The following SLC8A1 variants were observed in gnomAD, a reference collection of about 807,000 sequenced individuals.
SLC8A1 encodes the protein sodium/calcium exchanger 1.
A neutral mutation model predicts 68.3 loss-of-function variants in SLC8A1; 18 were observed. The ratio of observed to expected loss-of-function variants is 0.26; its 90% confidence interval spans 0.18 to 0.39. The LOEUF is 0.39. SLC8A1 is among the 10% of genes least tolerant of loss of function. SLC8A1 has a pLI of 1.00. For missense variants in SLC8A1, 985 were observed against 1,156.7 expected (o/e 0.85, Z 2.15); for synonymous variants, 475 against 415.5 (o/e 1.14, Z -1.74).
At chr2:40,351,055 A>C (rs1274950370) in intron 2 of SLC8A1, among the ~76,000 whole-genome samples, 2 of 152,168 alleles carry the variant, frequency 1.3e-5, no homozygotes, top group Non-Finnish European at 2.9e-5. Flanking sequence ...TCTAAGTAAT[A>C]TCTAATAAAC....
chr2:40,183,265 C>T (rs921840266), intron 2 of SLC8A1, among the ~76,000 whole-genome samples: 2 of 152,180 alleles, frequency 1.3e-5, no homozygotes, highest in Admixed American at 6.5e-5. Context: ...CTTATTCATT[C>T]AACTGTGCAG....
At chr2:40,327,283 A>C (rs1188711511) in intron 2 of SLC8A1, among the ~76,000 whole-genome samples, 1 of 152,230 alleles carries the variant, frequency 6.6e-6, no homozygotes, top group Admixed American at 6.5e-5. Context: ...TCACATGAAC[A>C]TTCCACTGTT....
chr2:40,460,820 A>T (rs1372232756), intron 1 of SLC8A1, among the ~76,000 whole-genome samples: 3 of 151,950 alleles, frequency 2.0e-5, no homozygotes, highest in African/African-American at 4.8e-5. Context: ...TGATCTGCCC[A>T]CCTCAGCCTC....
In SLC8A1 at chr2:40,222,938, A is replaced by G. The variant is rs1211127306; in HGVS notation, c.1809-45083T>C. Among the ~76,000 whole-genome samples the G allele has an allele frequency of 3.9e-5, 6 of 152,312 alleles. No individual in the cohort carries two copies. In the East Asian group the frequency reaches 9.7e-4, roughly 25 times the overall value. ...TTTGTTGGGAGTATAAATTAGTTCA[A>G]CCATTGTGGAAAAAAGTGTGGCGAT... On this transcript the variant is annotated intron_variant, in intron 2 of 7. Coordinates refer to ENST00000406785, the Ensembl canonical transcript of SLC8A1.
rs532002092 is a variant in SLC8A1, at chr2:40,287,660, T to A, written c.1809-109805A>T. ...GGGGCATCTTAGCTCAAGCTTACCA[T>A]ACTGGGAGGACAGGGCCATGAAGGC... On this transcript the variant is annotated intron_variant, in intron 2 of 7. Coordinates refer to ENST00000406785, the Ensembl canonical transcript of SLC8A1. Among the ~76,000 whole-genome samples the A allele has an allele frequency of 3.5e-3, 494 of 139,260 alleles. 3 individuals are homozygous for A. Among genetic ancestry groups the A allele is most frequent in the African/African-American group, 0.013 (477 of 37,626 alleles). The allele number at this position is 139,260 out of a possible 152,430, so 91.4% of individuals were successfully genotyped here.
At chr2:40,162,719 G>A (rs763362649) in intron 5 of SLC8A1, among the ~76,000 whole-genome samples, 2 of 152,150 alleles carry the variant, frequency 1.3e-5, no homozygotes, top group Non-Finnish European at 1.5e-5. Flanking sequence ...ACTGTTGTCT[G>A]TATTTACCTA....
chr2:40,402,254 G>A (rs1688964486), intron 2 of SLC8A1, among the ~76,000 whole-genome samples: 1 of 152,168 alleles, frequency 6.6e-6, no homozygotes, highest in African/African-American at 2.4e-5. Context: ...CACCATGACA[G>A]TTTACAAATG....
chr2:40,227,984 T>C (rs1306410536), intron 2 of SLC8A1, among the ~76,000 whole-genome samples: 2 of 152,168 alleles, frequency 1.3e-5, no homozygotes, highest in African/African-American at 4.8e-5. Flanking sequence ...ATCATGCTGA[T>C]GAATGAATAC....
chr2:40,372,269 G>T (rs1444718312), intron 2 of SLC8A1, among the ~76,000 whole-genome samples: 1 of 152,032 alleles, frequency 6.6e-6, no homozygotes, highest in East Asian at 1.9e-4. Flanking sequence ...AAAGAAGAGG[G>T]GGAGAAAAAA....
At chr2:40,461,496 C>G (rs1054512912) in intron 1 of SLC8A1, among the ~76,000 whole-genome samples, 2 of 152,118 alleles carry the variant, frequency 1.3e-5, no homozygotes, top group African/African-American at 2.4e-5. Flanking sequence ...AACTGACTTG[C>G]AAGTAAGGAG....
chr2:40,414,668 T>C (rs754405014), intron 2 of SLC8A1, among the ~76,000 whole-genome samples: 8 of 152,174 alleles, frequency 5.3e-5, no homozygotes, highest in South Asian at 2.1e-4. Flanking sequence ...GGTTTATTCA[T>C]TGCTTAGGTA....
intron 2 of SLC8A1, among the ~76,000 whole-genome samples, chr2:40,246,866 A>G (rs139252379): frequency 4.7e-4 from 72 of 152,294 alleles, no homozygotes; most frequent in African/African-American, 1.6e-3. Flanking sequence ...GAAAATGGTT[A>G]GATGTGACTA....
At chr2:40,442,507 T>C (rs956624982) in intron 1 of SLC8A1, among the ~76,000 whole-genome samples, 1 of 151,746 alleles carries the variant, frequency 6.6e-6, no homozygotes, top group African/African-American at 2.4e-5. Context: ...CAAGAAAAGC[T>C]CATCATCACT....
Position 40,398,329 on chromosome 2 carries a change from C to T in SLC8A1, c.1808+30144G>A, listed in dbSNP as rs181145898. 2.4e-4 allele frequency among the ~76,000 whole-genome samples: 36 copies of T among 152,242 alleles called. No homozygotes were observed. In the South Asian group the frequency reaches 3.3e-3, roughly 14 times the overall value. ...AGAGTCTTTTGACCTATGTTACTAACGCGTGTATCATATCTAGATCCACTC... is the reference window on the plus strand; with the variant it reads ...AGAGTCTTTTGACCTATGTTACTAATGCGTGTATCATATCTAGATCCACTC... On this transcript the variant is annotated intron_variant, in intron 2 of 7. Coordinates refer to ENST00000406785, the Ensembl canonical transcript of SLC8A1.
chr2:40,298,980 G>A (rs2070931973), intron 2 of SLC8A1, among the ~76,000 whole-genome samples: 3 of 152,130 alleles, frequency 2.0e-5, no homozygotes, highest in Admixed American at 1.3e-4. Context: ...TGGGAGTAAA[G>A]AGAGTGGCAA....
chr2:40,150,667 T>C lies in SLC8A1; in HGVS notation c.2161+10098A>G, dbSNP rs575524509. On this transcript the variant is annotated intron_variant, in intron 6 of 7. Transcript: ENST00000406785. Reference sequence around the variant, plus strand: ...TACAAATAAGAGTGCTGAATCATTCTAGAGCCCTTCAATACGGTGTTTTCC... The same window carrying C: ...TACAAATAAGAGTGCTGAATCATTCCAGAGCCCTTCAATACGGTGTTTTCC... 5.9e-5 allele frequency among the ~76,000 whole-genome samples: 9 copies of C among 152,356 alleles called. No homozygotes were observed. The South Asian group carries it at 1.7e-3, about 28-fold the overall frequency.
chr2:40,487,855 C>T (rs1273076015), intron 1 of SLC8A1, among the ~76,000 whole-genome samples: 1 of 152,164 alleles, frequency 6.6e-6, no homozygotes, highest in Non-Finnish European at 1.5e-5. Flanking sequence ...GAAACAGACA[C>T]ATGCTTAATC....
intron 2 of SLC8A1, among the ~76,000 whole-genome samples, chr2:40,417,838 C>G (rs995089226): frequency 6.8e-6 from 1 of 146,968 alleles, no homozygotes; most frequent in Non-Finnish European, 1.5e-5. Context: ...ATGAAGATAG[C>G]TGGAGTCAGG....
chr2:40,313,378 C>T (rs1347265082), intron 2 of SLC8A1, among the ~76,000 whole-genome samples: 1 of 151,838 alleles, frequency 6.6e-6, no homozygotes, highest in Non-Finnish European at 1.5e-5. Context: ...TTGAGTTGTA[C>T]AAGTCTTTGT....
Sources: gnomAD v4.1 joint callset for allele counts (sites outside exome capture counted in the v4.1 genomes callset) on GRCh38, gnomAD v4.1.1 for gene constraint, MANE v1.5 for transcripts, NCBI Gene and HGNC (gene_info 2026-07-23, HGNC 2026-07-21) for gene names.